AKAP6: variants seen among roughly 807,000 people sequenced by gnomAD.
AKAP6 encodes A-kinase anchor protein 6.
A neutral mutation model predicts 188.5 loss-of-function variants in AKAP6; 58 were observed. That is an observed-to-expected ratio of 0.31 (90% CI 0.25 to 0.38). The LOEUF (loss-of-function observed/expected upper bound fraction) is 0.38. Ranked by LOEUF, AKAP6 falls within the 10% of genes least tolerant of loss-of-function variation. The pLI is 1.00. For missense variants in AKAP6, 2,710 were observed against 2,740.0 expected (o/e 0.99, Z 0.24); for synonymous variants, 989 against 998.6 (o/e 0.99, Z 0.18).
At chr14:32,491,099 G>A (rs1879989789) in intron 2 of AKAP6, among the ~76,000 whole-genome samples, 1 of 152,116 alleles carries the variant, frequency 6.6e-6, no homozygotes, top group Non-Finnish European at 1.5e-5. Flanking sequence ...GATTAATTCT[G>A]ATCATCTCAA....
At chr14:32,728,778 T>C (rs567540718) in intron 9 of AKAP6, among the ~76,000 whole-genome samples, 2 of 152,334 alleles carry the variant, frequency 1.3e-5, no homozygotes, top group South Asian at 4.1e-4. Context: ...TTAATCTCTC[T>C]GTGTGCTTTT....
intron 9 of AKAP6, among the ~76,000 whole-genome samples, chr14:32,696,794 T>TAA (rs202150922): frequency 2.2e-5 from 3 of 137,790 alleles, no homozygotes; most frequent in East Asian, 4.2e-4. Flanking sequence ...TGATTTTGCC[T>TAA]AAAAAAAAAA....
intron 2 of AKAP6, among the ~76,000 whole-genome samples, chr14:32,458,761 T>C (rs1891224767): frequency 6.6e-6 from 1 of 152,050 alleles, no homozygotes; most frequent in African/African-American, 2.4e-5. Flanking sequence ...ATCAGAATTT[T>C]AAAAACTCAG....
chr14:32,496,663 A>G (rs1393077083), intron 2 of AKAP6, among the ~76,000 whole-genome samples: 3 of 152,148 alleles, frequency 2.0e-5, no homozygotes, highest in South Asian at 2.1e-4. Context: ...ATTATTACCC[A>G]TCTAACATAT....
At chr14:32,458,194 A>C (rs1488833399) in intron 2 of AKAP6, among the ~76,000 whole-genome samples, 5 of 152,208 alleles carry the variant, frequency 3.3e-5, no homozygotes, top group African/African-American at 7.2e-5. Context: ...TCTACTTAGA[A>C]AAAACAATTT....
intron 7 of AKAP6, among the ~76,000 whole-genome samples, chr14:32,676,191 G>A (rs1299189821): frequency 6.6e-6 from 1 of 152,048 alleles, no homozygotes. Context: ...GAAGTAAAGG[G>A]GTGGCATTTG....
At chr14:32,797,641 G>C (rs552401514) in intron 12 of AKAP6, among the ~76,000 whole-genome samples, 2 of 151,688 alleles carry the variant, frequency 1.3e-5, no homozygotes, top group Non-Finnish European at 2.9e-5. Flanking sequence ...AGAGGAGAGG[G>C]AGAGCATCAG....
At chr14:32,495,132 T>C (rs6571530) in intron 2 of AKAP6, 118,285 of 152,130 alleles carry the variant, frequency 0.78, 46,124 homozygotes, top group East Asian at 0.93. Context: ...TCATAACAAG[T>C]GTCTAGGCAG....
intron 4 of AKAP6, among the ~76,000 whole-genome samples, chr14:32,559,783 CTTTTTT>C (rs35914295): frequency 5.0e-5 from 6 of 119,100 alleles, no homozygotes; most frequent in African/African-American, 1.6e-4. Context: ...TAAGCCTAAT[CTTTTTT>C]TTTTTTTTTT....
intron 5 of AKAP6, among the ~76,000 whole-genome samples, chr14:32,584,113 A>T (rs1233848367): frequency 6.6e-6 from 1 of 152,204 alleles, no homozygotes; most frequent in Non-Finnish European, 1.5e-5. Flanking sequence ...CTATTTGGCC[A>T]TCTTGGCTGC....
intron 8 of AKAP6, among the ~76,000 whole-genome samples, chr14:32,688,592 T>C (rs543325814): frequency 1.3e-5 from 2 of 152,248 alleles, no homozygotes; most frequent in East Asian, 3.9e-4. Flanking sequence ...AATAAATCTA[T>C]ATCAGATGAC....
At chr14:32,642,029 T>G (rs1021037047) in intron 7 of AKAP6, among the ~76,000 whole-genome samples, 3 of 152,176 alleles carry the variant, frequency 2.0e-5, no homozygotes, top group African/African-American at 7.2e-5. Context: ...CTTGGAGGAA[T>G]AGAAATGATT....
intron 7 of AKAP6, among the ~76,000 whole-genome samples, chr14:32,607,175 G>T (rs181195932): frequency 2.0e-5 from 3 of 152,292 alleles, no homozygotes; most frequent in Non-Finnish European, 4.4e-5. Flanking sequence ...AATAGAACTT[G>T]ATCCTGATTC....
At chr14:32,686,136 A>G (rs1889915024) in intron 8 of AKAP6, among the ~76,000 whole-genome samples, 1 of 152,230 alleles carries the variant, frequency 6.6e-6, no homozygotes, top group South Asian at 2.1e-4. Context: ...TGTCATTTGC[A>G]ACGACGTGAT....
chr14:32,354,503 A>G (rs1048919553), intron 1 of AKAP6, among the ~76,000 whole-genome samples: 2 of 152,208 alleles, frequency 1.3e-5, no homozygotes, highest in African/African-American at 4.8e-5. Context: ...AGTGCCTGGC[A>G]TGGTAAGCGA....
intron 1 of AKAP6, chr14:32,433,190 T>C (rs1381767993): frequency 1.7e-5 from 5 of 298,258 alleles, no homozygotes; most frequent in Non-Finnish European, 3.2e-5. Flanking sequence ...AAAACCAGGA[T>C]TTTGTTACTA....
At chr14:32,493,876 A>G (rs1378836172) in intron 2 of AKAP6, among the ~76,000 whole-genome samples, 1 of 152,108 alleles carries the variant, frequency 6.6e-6, no homozygotes, top group Non-Finnish European at 1.5e-5. Flanking sequence ...GGAGTGAGGG[A>G]GGTAAAGAGA....
At chr14:32,451,169 T>G (rs1890922833) in intron 2 of AKAP6, among the ~76,000 whole-genome samples, 1 of 152,184 alleles carries the variant, frequency 6.6e-6, no homozygotes, top group Non-Finnish European at 1.5e-5. Context: ...AAGACTAAAT[T>G]TTATACTGGC....
At chr14:32,569,559 A>C (rs898363752) in intron 4 of AKAP6, among the ~76,000 whole-genome samples, 1 of 152,140 alleles carries the variant, frequency 6.6e-6, no homozygotes, top group Non-Finnish European at 1.5e-5. Context: ...GTATATAGTT[A>C]GTTGGTTGGG....
Sources: allele counts gnomAD v4.1 joint callset (sites outside exome capture counted in the v4.1 genomes callset), GRCh38; gene constraint gnomAD v4.1.1; transcripts MANE v1.5; gene names NCBI Gene and HGNC (gene_info 2026-07-23, HGNC 2026-07-21).